The following NCAM1 variants were observed in gnomAD, a reference collection of about 807,000 sequenced individuals.
NCAM1 encodes antigen recognized by monoclonal antibody 5.1H11.
In NCAM1, 14 loss-of-function variants were observed where a neutral mutation model predicts 109.8. The ratio of observed to expected loss-of-function variants is 0.13; its 90% confidence interval spans 0.08 to 0.20. The LOEUF (loss-of-function observed/expected upper bound fraction) is 0.20. Among genes scored for constraint, NCAM1 ranks in the 10% least tolerant of loss-of-function variants. The pLI is 1.00. For missense variants in NCAM1, 774 were observed against 1,109.9 expected (o/e 0.70, Z 4.30); for synonymous variants, 418 against 442.9 (o/e 0.94, Z 0.70).
rs1945295944 is a variant in NCAM1, at chr11:113,240,732, G to C, written c.1825+5568G>C. 15 of 1,554,058 alleles carry C rather than the reference G, an allele frequency of 9.7e-6. No homozygotes were observed. In the South Asian group the frequency reaches 1.7e-4, roughly 17 times the overall value. On this transcript the variant is annotated intron_variant, in intron 14 of 19. Transcript: ENST00000316851. ...GTTGCTTCCATTTTTTTTTCATTCAGTATCTGTGTGCCTCAATGATCTTTT... is the reference window on the plus strand; with the variant it reads ...GTTGCTTCCATTTTTTTTTCATTCACTATCTGTGTGCCTCAATGATCTTTT...
chr11:113,114,710 C>T (rs11214500), intron 1 of NCAM1, among the ~76,000 whole-genome samples: 86,006 of 152,064 alleles, frequency 0.57, 24,705 homozygotes, highest in African/African-American at 0.61. Flanking sequence ...GCAAAAAATC[C>T]TGCCTAGCCT....
chr11:113,177,649 T>C (rs1943204478), intron 1 of NCAM1, among the ~76,000 whole-genome samples: 1 of 152,092 alleles, frequency 6.6e-6, no homozygotes, highest in African/African-American at 2.4e-5. Flanking sequence ...GTCAGGCTGG[T>C]CTCAAACTCC....
At chr11:113,063,076 C>T (rs989251587) in intron 1 of NCAM1, among the ~76,000 whole-genome samples, 3 of 152,174 alleles carry the variant, frequency 2.0e-5, no homozygotes, top group South Asian at 2.1e-4. Flanking sequence ...TTGCAGCCTC[C>T]GAAAGAAGGC....
At chr11:113,275,085 C>T (rs191540768) in intron 19 of NCAM1, among the ~76,000 whole-genome samples, 182 bp from the exon 20 acceptor site, 62 of 152,286 alleles carry the variant, frequency 4.1e-4, no homozygotes, top group Admixed American at 8.5e-4. Context: ...AGGATTTCCG[C>T]GAACACAGCT....
At chr11:112,964,750 A>G (rs1555064843) in intron 1 of NCAM1, among the ~76,000 whole-genome samples, 1 of 152,254 alleles carries the variant, frequency 6.6e-6, no homozygotes, top group African/African-American at 2.4e-5. Context: ...AAAACCTTTC[A>G]CAACTCTAAC....
intron 1 of NCAM1, among the ~76,000 whole-genome samples, chr11:113,008,796 T>C (rs1225488136): frequency 6.6e-6 from 1 of 152,214 alleles, no homozygotes; most frequent in African/African-American, 2.4e-5. Flanking sequence ...CTGAAATGTT[T>C]TCTGATCCCC....
chr11:113,183,772 A>C (rs1591394812), intron 1 of NCAM1, among the ~76,000 whole-genome samples: 2 of 84,900 alleles, frequency 2.4e-5, no homozygotes, highest in Non-Finnish European at 3.9e-5. Flanking sequence ...TGACCTCCTC[A>C]ACCTTGGGAC....
At chr11:113,159,582 T>A (rs1942529107) in intron 1 of NCAM1, among the ~76,000 whole-genome samples, 2 of 152,222 alleles carry the variant, frequency 1.3e-5, no homozygotes, top group African/African-American at 2.4e-5. Context: ...CCTTTCAGAC[T>A]TTTTCTGCAT....
intron 1 of NCAM1, among the ~76,000 whole-genome samples, chr11:113,180,842 A>G (rs1210705764): frequency 2.0e-5 from 3 of 152,324 alleles, no homozygotes; most frequent in East Asian, 3.9e-4. Flanking sequence ...CTTCGTCTGT[A>G]TAATGGGTGG....
rs114182862 is a variant in NCAM1 at position 112,982,522 on chromosome 11, A to G, written c.52+20858A>G. On this transcript the variant is annotated intron_variant, in intron 1 of 19. Coordinates refer to ENST00000316851, the MANE Select transcript of NCAM1 (RefSeq NM_181351.5). ...GCTGGGAGAGATTACAGTCTGGAAA[A>G]CCAGTAGTCAGGGGGTAGGAGGAGC... Among the ~76,000 whole-genome samples the G allele has an allele frequency of 3.7e-3, 564 of 151,864 alleles. 5 individuals are homozygous for G. The highest frequency in any genetic ancestry group is 0.013 in the African/African-American group (546 of 41,450).
At chr11:113,147,789 C>T (rs930104115) in intron 1 of NCAM1, among the ~76,000 whole-genome samples, 3 of 152,156 alleles carry the variant, frequency 2.0e-5, no homozygotes, top group Non-Finnish European at 1.5e-5. Flanking sequence ...ATTTTTATAA[C>T]ATTTAAAGCT....
chr11:113,038,000 C>T (rs544052383), intron 1 of NCAM1, among the ~76,000 whole-genome samples: 107 of 152,310 alleles, frequency 7.0e-4, no homozygotes, highest in African/African-American at 2.5e-3. Context: ...GCCAGGCTCA[C>T]CCCTGCGGGT....
intron 1 of NCAM1, among the ~76,000 whole-genome samples, chr11:113,092,404 C>T (rs1184553434): frequency 6.6e-6 from 1 of 152,002 alleles, no homozygotes; most frequent in Non-Finnish European, 1.5e-5. Context: ...CAGTGCTTTG[C>T]CGGTAATTGA....
chr11:113,245,026 A>G (rs591042), intron 14 of NCAM1, among the ~76,000 whole-genome samples: 53,264 of 151,870 alleles, frequency 0.35, 10,339 homozygotes, highest in East Asian at 0.57. Flanking sequence ...AACCCAAAAT[A>G]CCTTTTAACA....
At chr11:113,131,732 A>AAG (rs1555098346) in intron 1 of NCAM1, among the ~76,000 whole-genome samples, 2 of 152,178 alleles carry the variant, frequency 1.3e-5, no homozygotes, top group Non-Finnish European at 2.9e-5. Context: ...CCAGCCAGGC[A>AAG]GCTGATAGGA....
chr11:113,009,194 G>A (rs1010933744), intron 1 of NCAM1, among the ~76,000 whole-genome samples: 4 of 151,840 alleles, frequency 2.6e-5, no homozygotes, highest in Non-Finnish European at 2.9e-5. Flanking sequence ...GTAGGACCAC[G>A]TCGGTAGAAT....
intron 1 of NCAM1, among the ~76,000 whole-genome samples, chr11:113,025,164 A>G (rs1017365845): frequency 1.4e-4 from 21 of 152,192 alleles, no homozygotes; most frequent in African/African-American, 4.3e-4. Context: ...AATAATTTAG[A>G]TATTTCTCAA....
chr11:113,145,920 C>A (rs1555101243), intron 1 of NCAM1, among the ~76,000 whole-genome samples: 1 of 152,166 alleles, frequency 6.6e-6, no homozygotes, highest in Admixed American at 6.5e-5. Flanking sequence ...TAGAAATTGA[C>A]TCTGGTGACA....
intron 1 of NCAM1, among the ~76,000 whole-genome samples, chr11:113,143,024 G>A (rs901762060): frequency 6.6e-6 from 1 of 152,138 alleles, no homozygotes; most frequent in Non-Finnish European, 1.5e-5. Context: ...TAATGACTGT[G>A]TCTCAGAGTT....
Sources: gnomAD v4.1 joint callset for allele counts (sites outside exome capture counted in the v4.1 genomes callset) on GRCh38, gnomAD v4.1.1 for gene constraint, MANE v1.5 for transcripts, NCBI Gene and HGNC (gene_info 2026-07-23, HGNC 2026-07-21) for gene names.